The following PACRG variants were observed in gnomAD, a reference collection of about 807,000 sequenced individuals.
PACRG encodes the protein parkin coregulated.
A neutral mutation model predicts 29.7 loss-of-function variants in PACRG; 29 were observed. The ratio of observed to expected loss-of-function variants is 0.98; its 90% CI spans 0.73 to 1.33. PACRG has a LOEUF of 1.33. Ranked by LOEUF, PACRG falls within the 40% of genes most tolerant of loss-of-function variation. The pLI is 0.00. For synonymous variants in PACRG, 116 were observed against 118.7 expected (o/e 0.98, Z 0.15); for missense variants, 279 against 316.2 (o/e 0.88, Z 0.89).
intron 1 of PACRG, among the ~76,000 whole-genome samples, chr6:162,749,726 G>T (rs1009687799): frequency 2.0e-5 from 3 of 152,036 alleles, no homozygotes; most frequent in Non-Finnish European, 4.4e-5. Context: ...CGCCATGTTG[G>T]CCAGGCTGGT....
chr6:162,864,315 A>G (rs1309527467), intron 2 of PACRG, among the ~76,000 whole-genome samples: 1 of 152,228 alleles, frequency 6.6e-6, no homozygotes, highest in Non-Finnish European at 1.5e-5. Context: ...AAATCATTTT[A>G]TTATAGCCAC....
intron 4 of PACRG, among the ~76,000 whole-genome samples, chr6:163,225,939 G>T (rs1039271012): frequency 6.6e-6 from 1 of 152,162 alleles, no homozygotes; most frequent in African/African-American, 2.4e-5. Flanking sequence ...AGCACTTTGA[G>T]AGGCTGAGGC....
intron 2 of PACRG, among the ~76,000 whole-genome samples, chr6:162,926,915 G>C (rs1797483599): frequency 6.6e-6 from 1 of 151,988 alleles, no homozygotes; most frequent in African/African-American, 2.4e-5. Context: ...ATCTGACAAA[G>C]GTCTAATATG....
rs546078210 is a variant in PACRG, at chr6:163,256,708, G to A, written c.614-58119G>A. ...AGTGGTAGGAGGTGACAGGGAAGGT[G>A]GCCGGCAGTTCATGTAGAGACTTCA... On this transcript the variant is annotated intron_variant, in intron 4 of 4. Coordinates refer to ENST00000366888, the MANE Select transcript of PACRG (RefSeq NM_001080379.2). Among the ~76,000 whole-genome samples the A allele has an allele frequency of 1.2e-4, 19 of 152,318 alleles. No individual in the cohort carries two copies. In the Middle Eastern group the frequency reaches 0.01, roughly 82 times the overall value.
intron 2 of PACRG, among the ~76,000 whole-genome samples, chr6:162,900,402 G>A (rs894867005): frequency 1.3e-5 from 2 of 152,146 alleles, no homozygotes; most frequent in South Asian, 4.1e-4. Flanking sequence ...AGACGTGATA[G>A]CGTGCAAGAC....
At chr6:162,835,812 T>G (rs918783041) in intron 2 of PACRG, among the ~76,000 whole-genome samples, 2 of 152,158 alleles carry the variant, frequency 1.3e-5, no homozygotes, top group African/African-American at 2.4e-5. Context: ...CAACAAAAAG[T>G]AATAACTCAC....
chr6:162,932,768 T>C lies in PACRG; in HGVS notation c.291+118487T>C, dbSNP rs546568982. Among the ~76,000 whole-genome samples, 6 of 151,416 alleles carry C rather than the reference T, an allele frequency of 4.0e-5. No homozygotes were observed. The East Asian group carries it at 9.6e-4, about 24-fold the overall frequency. On this transcript the variant is annotated intron_variant, in intron 2 of 4. Coordinates refer to ENST00000366888, the MANE Select transcript of PACRG (RefSeq NM_001080379.2). ...ATTTTACTTATTTGGCTCTTCTCTCTTTTTTTCTTTGTCTAGCTAAAGGTT... is the reference window on the plus strand; with the variant it reads ...ATTTTACTTATTTGGCTCTTCTCTCCTTTTTTCTTTGTCTAGCTAAAGGTT...
intron 4 of PACRG, among the ~76,000 whole-genome samples, chr6:163,123,834 T>C (rs1260170172): frequency 6.6e-6 from 1 of 152,248 alleles, no homozygotes; most frequent in African/African-American, 2.4e-5. Context: ...TATTTCCTTC[T>C]TTTTAAAGCC....
intron 1 of PACRG, among the ~76,000 whole-genome samples, chr6:162,792,623 G>A (rs993365931): frequency 6.6e-6 from 1 of 152,150 alleles, no homozygotes; most frequent in Non-Finnish European, 1.5e-5. Flanking sequence ...TTCGTCTCTA[G>A]TCCCAGTGTT....
chr6:162,729,476 A>G (rs917687252), intron 1 of PACRG, among the ~76,000 whole-genome samples: 3 of 152,190 alleles, frequency 2.0e-5, no homozygotes, highest in Non-Finnish European at 2.9e-5. Context: ...ATGCAAAACG[A>G]TATCCTAATT....
intron 2 of PACRG, among the ~76,000 whole-genome samples, chr6:162,863,212 G>T (rs1449465253): frequency 2.0e-5 from 3 of 152,158 alleles, no homozygotes; most frequent in African/African-American, 7.2e-5. Context: ...TGCTCTACTG[G>T]TATTTGTTGA....
At chr6:162,957,291 G>A (rs1473205674) in intron 2 of PACRG, 3 of 560,074 alleles carry the variant, frequency 5.4e-6, no homozygotes, top group Admixed American at 2.1e-5. Flanking sequence ...TCTGCTCCTC[G>A]ATAAAGAAAG....
intron 4 of PACRG, among the ~76,000 whole-genome samples, chr6:163,196,452 T>C (rs1240134203): frequency 6.6e-6 from 1 of 152,238 alleles, no homozygotes; most frequent in Non-Finnish European, 1.5e-5. Flanking sequence ...GTTGCTGCTC[T>C]GCACCTTAGA....
intron 4 of PACRG, among the ~76,000 whole-genome samples, chr6:163,290,489 G>A (rs1419659220): frequency 1.3e-5 from 2 of 152,222 alleles, no homozygotes; most frequent in African/African-American, 2.4e-5. Flanking sequence ...ATGGGAAGAA[G>A]GTGGGGAGAA....
chr6:162,895,581 A>G (rs1795107781), intron 2 of PACRG, among the ~76,000 whole-genome samples: 1 of 152,246 alleles, frequency 6.6e-6, no homozygotes, highest in Admixed American at 6.5e-5. Context: ...CGATCTTGAC[A>G]GTAATGCCTA....
At chr6:163,095,676 A>G (rs569724695) in intron 4 of PACRG, among the ~76,000 whole-genome samples, 123 of 152,006 alleles carry the variant, frequency 8.1e-4, no homozygotes, top group Middle Eastern at 3.4e-3. Context: ...CCCCATCTTC[A>G]TGTGGCCTTT....
intron 4 of PACRG, among the ~76,000 whole-genome samples, chr6:163,273,139 C>T (rs969524534): frequency 4.1e-5 from 6 of 146,336 alleles, no homozygotes; most frequent in East Asian, 1.9e-4. Context: ...GTGATCCGCC[C>T]GCCTCGGCCT....
intron 1 of PACRG, among the ~76,000 whole-genome samples, chr6:162,786,584 G>T (rs1784483756): frequency 6.6e-6 from 1 of 152,216 alleles, no homozygotes; most frequent in Non-Finnish European, 1.5e-5. Flanking sequence ...GAGCCATAGT[G>T]TAGAGGAGGC....
At chr6:162,990,836 T>C (rs1452264564) in intron 2 of PACRG, among the ~76,000 whole-genome samples, 2 of 131,512 alleles carry the variant, frequency 1.5e-5, no homozygotes, top group Non-Finnish European at 3.1e-5. Context: ...TGAATGGTAA[T>C]GCCTAGGTTT....
Sources: gnomAD v4.1 joint callset for allele counts (sites outside exome capture counted in the v4.1 genomes callset) on GRCh38, gnomAD v4.1.1 for gene constraint, MANE v1.5 for transcripts, NCBI Gene and HGNC (gene_info 2026-07-23, HGNC 2026-07-21) for gene names.